The following SLC22A23 variants were observed in gnomAD, a reference collection of about 807,000 sequenced individuals.
SLC22A23 encodes the protein ion transporter protein.
Under a neutral mutation model 61.0 loss-of-function variants are expected in SLC22A23, and 26 were observed. The ratio of observed to expected loss-of-function variants is 0.43; its 90% CI spans 0.31 to 0.59. SLC22A23 has a LOEUF of 0.59. SLC22A23 is among the 20% of genes least tolerant of loss of function. The pLI is 0.11. For synonymous variants in SLC22A23, 430 were observed against 413.9 expected (o/e 1.04, Z -0.47); for missense variants, 796 against 934.7 (o/e 0.85, Z 1.94).
At chr6:3,422,342 G>A (rs892279903) in intron 1 of SLC22A23, among the ~76,000 whole-genome samples, 4 of 152,096 alleles carry the variant, frequency 2.6e-5, no homozygotes, top group African/African-American at 9.7e-5. Flanking sequence ...CACACACAGA[G>A]TCCACCCTGG....
chr6:3,323,329 A>C (rs1561897776), intron 4 of SLC22A23: 1 of 456,624 alleles, frequency 2.2e-6, no homozygotes, highest in Non-Finnish European at 4.4e-6. Flanking sequence ...CTATGTAAAC[A>C]CACGAGCATG....
At position 3,333,908 on chromosome 6, in the gene SLC22A23, T is replaced by C. The variant is rs1763711662; in HGVS notation, c.914-9906A>G. Among the ~76,000 whole-genome samples, 1 of 152,202 alleles carries C rather than the reference T, an allele frequency of 6.6e-6. No homozygotes were observed. Among genetic ancestry groups the C allele is most frequent in the African/African-American group, 2.4e-5 (1 of 41,448 alleles). On this transcript the variant is annotated intron_variant, in intron 3 of 9. Coordinates refer to ENST00000406686, the MANE Select transcript of SLC22A23 (RefSeq NM_015482.2). The surrounding 1 kb of genome is among the most constrained non-coding windows in gnomAD (Gnocchi z 4.1). ...AGCTGAAGAACCACTGCAGTATACT[T>C]TGCAAATATTAGCCACTGAATCCTC...
chr6:3,445,209 T>A (rs1200137260), intron 1 of SLC22A23, among the ~76,000 whole-genome samples: 1 of 152,100 alleles, frequency 6.6e-6, no homozygotes, highest in Non-Finnish European at 1.5e-5. Context: ...CCTTTATTTT[T>A]TTTTTTTGAG....
In SLC22A23 at chr6:3,323,768, G is replaced by A. The variant is rs538611898; in HGVS notation, c.1082+66C>T. The stretch of plus-strand genomic sequence containing the variant: ...AGTGTGGGGATTGTGTGTCCTGCCC[G>A]GGGCCGGGCCTTCAGGAAGCATGTG... On this transcript the variant is annotated intron_variant, in intron 4 of 9. Coordinates refer to ENST00000406686, the MANE Select transcript of SLC22A23 (RefSeq NM_015482.2). 443 of 1,524,394 alleles carry A rather than the reference G, an allele frequency of 2.9e-4. 1 individual carries two copies. Among genetic ancestry groups the A allele is most frequent in the Non-Finnish European group, 2.1e-4 (239 of 1,129,292 alleles). 94.4% of individuals were successfully genotyped at this position (1,524,394 alleles called of 1,614,324 possible).
intron 3 of SLC22A23, among the ~76,000 whole-genome samples, chr6:3,393,566 T>C (rs1444128370): frequency 6.6e-6 from 1 of 152,204 alleles, no homozygotes; most frequent in East Asian, 1.9e-4. Flanking sequence ...TTTGAAACTG[T>C]TGATTATGCT....
intron 1 of SLC22A23, among the ~76,000 whole-genome samples, chr6:3,425,580 G>A (rs1047195566): frequency 6.6e-6 from 1 of 151,974 alleles, no homozygotes; most frequent in Non-Finnish European, 1.5e-5. Context: ...CACCGCACCC[G>A]GCCGAATAAT....
chr6:3,368,997 G>C (rs1442295445), intron 3 of SLC22A23, among the ~76,000 whole-genome samples: 1 of 151,918 alleles, frequency 6.6e-6, no homozygotes, highest in African/African-American at 2.4e-5. Context: ...GTCTTTCCCA[G>C]AGATGGCTCT....
intron 3 of SLC22A23, among the ~76,000 whole-genome samples, chr6:3,362,399 T>A (rs1464572340): frequency 1.4e-5 from 1 of 72,290 alleles, no homozygotes; most frequent in African/African-American, 4.7e-5. Context: ...CGAGATTCCG[T>A]CTCACAAAAA....
intron 9 of SLC22A23, among the ~76,000 whole-genome samples, chr6:3,278,984 G>A (rs993018482): frequency 2.6e-5 from 4 of 152,036 alleles, no homozygotes; most frequent in African/African-American, 4.8e-5. Context: ...ACTGTTAAAG[G>A]GCAAACTGCA....
chr6:3,433,914 C>T (rs1394823230), intron 1 of SLC22A23, among the ~76,000 whole-genome samples: 3 of 152,132 alleles, frequency 2.0e-5, no homozygotes, highest in Admixed American at 6.5e-5. Context: ...AAGGAAATAC[C>T]TTAATTTAGG....
In SLC22A23 at chr6:3,269,500, C is replaced by G. The variant is rs1758338245; in HGVS notation, c.*3555G>C. 1 of 152,806 alleles carries G rather than the reference C, an allele frequency of 6.5e-6. No individual in the cohort carries two copies. Among genetic ancestry groups the G allele is most frequent in the African/African-American group, 2.4e-5 (1 of 41,458 alleles). The allele number at this position is 152,806 out of a possible 1,614,324, so 9.5% of individuals were successfully genotyped here. On this transcript the variant is annotated 3_prime_UTR_variant, in exon 10 of 10. Coordinates refer to ENST00000406686, the MANE Select transcript of SLC22A23 (RefSeq NM_015482.2). ...GTTTTTATTTCTGTACATTTACATA[C>G]AAATTTTCCCCAAAGGTACAACAGA... is the stretch of plus-strand genomic sequence containing the variant.
rs141302059 is a variant in SLC22A23, at chr6:3,275,900, C to G, written c.1704-2488G>C. 8.1e-3 allele frequency among the ~76,000 whole-genome samples: 1,235 copies of G among 152,346 alleles called. 15 individuals are homozygous for G. The highest frequency in any genetic ancestry group is 0.028 in the African/African-American group (1,183 of 41,582). ...CCACTCTTATAACTCAAAAAGAAGA[C>G]AGATAATCCAGTAAAAAGATGGGCA... is the stretch of plus-strand genomic sequence containing the variant. On this transcript the variant is annotated intron_variant, in intron 9 of 9. Transcript: ENST00000406686.
rs963431781 is a variant in SLC22A23 at position 3,330,040 on chromosome 6, G to A, written c.914-6038C>T. On this transcript the variant is annotated intron_variant, in intron 3 of 9. Transcript: ENST00000406686. The surrounding 1 kb of genome is among the most constrained non-coding windows in gnomAD (Gnocchi z 4.7). Reference sequence around the variant, plus strand: ...GGGGAAGCCTCTGCGAAGGCCGACTGGGCCACTAGGACACCGGGGCTTGGG... The same window carrying A: ...GGGGAAGCCTCTGCGAAGGCCGACTAGGCCACTAGGACACCGGGGCTTGGG... 3.9e-5 allele frequency among the ~76,000 whole-genome samples: 6 copies of A among 152,158 alleles called. No homozygotes were observed. The highest frequency in any genetic ancestry group is 1.5e-5 in the Non-Finnish European group (1 of 68,038).
chr6:3,402,427 A>AC (rs1488720898), intron 3 of SLC22A23, among the ~76,000 whole-genome samples: 12 of 151,156 alleles, frequency 7.9e-5, no homozygotes, highest in African/African-American at 1.2e-4. Context: ...GACCCCAATC[A>AC]CCAACACTAC....
intron 3 of SLC22A23, among the ~76,000 whole-genome samples, chr6:3,335,275 C>T (rs894495235): frequency 5.9e-5 from 9 of 152,174 alleles, no homozygotes; most frequent in African/African-American, 1.9e-4. Flanking sequence ...TCAGCAGCGG[C>T]GGAGGCTCCG....
chr6:3,428,942 C>T (rs980667262), intron 1 of SLC22A23, among the ~76,000 whole-genome samples: 2 of 151,336 alleles, frequency 1.3e-5, no homozygotes, highest in African/African-American at 4.8e-5. Context: ...TAATGTGCAT[C>T]ATGAGTCCTG....
At chr6:3,379,273 T>C (rs1766801049) in intron 3 of SLC22A23, among the ~76,000 whole-genome samples, 1 of 152,188 alleles carries the variant, frequency 6.6e-6, no homozygotes, top group Non-Finnish European at 1.5e-5. Flanking sequence ...CTCTTTCCTC[T>C]TGGCAAAAGT....
chr6:3,283,891 C>T lies in SLC22A23; in HGVS notation c.1664G>A (p.Ser555Asn). 1 of 1,613,024 alleles carries T rather than the reference C, an allele frequency of 6.2e-7. No individual in the cohort carries two copies. Among genetic ancestry groups the T allele is most frequent in the African/African-American group, 1.3e-5 (1 of 75,046 alleles). ...MFASHAVGSL[S>N]VFFCAEITPT... ...GGTGATCTCCGCACAGAAGAACACG[C>T]TGAGGCTCCCCACCGCATGGGAGGC... The change falls in exon 9 of 10, where the codon AGC becomes AAC. Residue 555 changes from serine to asparagine, a missense_variant. Physicochemically the swap from Ser to Asn is conservative, Grantham distance 46. Coordinates refer to ENST00000406686, the MANE Select transcript of SLC22A23 (RefSeq NM_015482.2).
intron 8 of SLC22A23, 153 bp downstream of exon 8, chr6:3,284,915 TGTATCCGTATA>T: frequency 6.5e-7 from 1 of 1,539,538 alleles, no homozygotes; most frequent in Non-Finnish European, 8.7e-7. Flanking sequence ...AGAATACAAA[TGTATCCGTATA>T]GTGTCCAACC....
Sources: gnomAD v4.1 joint callset for allele counts (sites outside exome capture counted in the v4.1 genomes callset) on GRCh38, gnomAD v4.1.1 for gene constraint, Gnocchi (gnomAD v3.1) non-coding constraint, MANE v1.5 for transcripts, NCBI Gene and HGNC (gene_info 2026-07-23, HGNC 2026-07-21) for gene names.